The following CHORDC1 variants were observed in gnomAD, a reference collection of about 807,000 sequenced individuals.
CHORDC1 encodes cysteine and histidine-rich domain-containing protein 1.
CHORDC1 carries 25 observed loss-of-function variants against 48.3 expected under a neutral mutation model. That is an observed-to-expected ratio of 0.52 (90% CI 0.38 to 0.72). The LOEUF (loss-of-function observed/expected upper bound fraction) is 0.72. Among genes scored for constraint, CHORDC1 ranks in the 30% least tolerant of loss-of-function variants. The probability of loss-of-function intolerance (pLI) is 0.00; values close to 1 mark genes in which losing one functional copy is unlikely to be tolerated. For missense variants in CHORDC1, 317 were observed against 388.7 expected (o/e 0.82, Z 1.55); for synonymous variants, 128 against 126.4 (o/e 1.01, Z -0.09).
At chr11:90,218,340 G>A (rs1480871617) in intron 1 of CHORDC1, among the ~76,000 whole-genome samples, 156 bp from the exon 2 acceptor site, 1 of 152,064 alleles carries the variant, frequency 6.6e-6, no homozygotes, top group East Asian at 1.9e-4. Flanking sequence ...GCAGCACAAA[G>A]TGTACTATAT....
At chr11:90,212,241 G>C (rs1480354160) in intron 4 of CHORDC1, 4 of 151,912 alleles carry the variant, frequency 2.6e-5, no homozygotes, top group African/African-American at 9.7e-5. Flanking sequence ...CTGGATCATG[G>C]GGATGCCTTT....
At chr11:90,208,927 C>T (rs1335809638) in intron 6 of CHORDC1, 1 of 152,200 alleles carries the variant, frequency 6.6e-6, no homozygotes, top group Non-Finnish European at 1.5e-5. Flanking sequence ...GCCAGGTCTA[C>T]TTATCTCTAT....
At chr11:90,222,218 T>C (rs1400433221) in intron 1 of CHORDC1, among the ~76,000 whole-genome samples, 1 of 152,226 alleles carries the variant, frequency 6.6e-6, no homozygotes, top group African/African-American at 2.4e-5. Flanking sequence ...ACTCATTTTA[T>C]ACGGGAGTAG....
rs1194333924 is a variant in CHORDC1 at position 90,211,274 on chromosome 11, G to A, written c.374C>T (p.Ser125Phe). 2 of 1,609,746 alleles carry A rather than the reference G, an allele frequency of 1.2e-6. No individual in the cohort carries two copies. The highest frequency in any genetic ancestry group is 1.7e-6 in the Non-Finnish European group (2 of 1,177,024). ...MTNLELKISA[S>F]LKQALDKLKL... ...AAGTTTATCAAGTGCTTGTTTTAGG[G>A]AGGCAGATATTTTTAATTCCAAATT... The change falls in exon 5 of 11, where the codon TCC (serine) becomes TTC (phenylalanine). Residue 125 changes from serine to phenylalanine, a missense_variant. By Grantham distance (155) the Ser-to-Phe change is radical (BLOSUM62 -2). Transcript: ENST00000320585.
rs1002648435 is a variant in CHORDC1 at position 90,206,271 on chromosome 11, G to A, written c.494C>T (p.Thr165Ile). ...TSCKNGGCSK[T>I]YQGLESLEEV... Reference sequence around the variant, plus strand: ...TTCTAGACTCTCTAGACCCTGGTATGTCTAAAAAGGAAACAAAGAGAAAAA... The same window carrying A: ...TTCTAGACTCTCTAGACCCTGGTATATCTAAAAAGGAAACAAAGAGAAAAA... The change falls in exon 7 of 11, where the codon ACA becomes ATA. Residue 165 changes from threonine to isoleucine, a missense_variant and splice_region_variant. Coordinates refer to ENST00000320585, the MANE Select transcript of CHORDC1 (RefSeq NM_012124.3). The A allele has an allele frequency of 3.9e-6, 6 of 1,523,772 alleles. No homozygotes were observed. The highest frequency in any genetic ancestry group is 1.1e-5 in the South Asian group (1 of 88,444). The allele number at this position is 1,523,772 out of a possible 1,614,324, so 94.4% of individuals were successfully genotyped here.
At position 90,205,715 on chromosome 11, in the gene CHORDC1, A is replaced by C. The variant is rs531479002; in HGVS notation, c.564-150T>G. ...TGTCTAAGTTACTAAAAATGAATGT[A>C]CAGTATATCAGGAAGAATGTGGAAA... On this transcript the variant is annotated intron_variant, in intron 7 of 10. Transcript: ENST00000320585. 4.5e-4 allele frequency: 268 copies of C among 600,398 alleles called. 3 individuals are homozygous for C. The South Asian group carries it at 5.7e-3, about 13-fold the overall frequency. 37.2% of individuals were successfully genotyped at this position (600,398 alleles called of 1,614,324 possible). A position where few individuals can be genotyped will look rare whatever the true frequency, so the allele number is the denominator to read the frequency against.
At chr11:90,217,486 G>T (rs1486985172) in intron 2 of CHORDC1, among the ~76,000 whole-genome samples, 2 of 152,196 alleles carry the variant, frequency 1.3e-5, no homozygotes, top group African/African-American at 2.4e-5. Flanking sequence ...TCTGTCCCGA[G>T]ATTGGCACTA....
intron 2 of CHORDC1, chr11:90,216,688 T>G (rs1858021276): frequency 6.8e-6 from 2 of 294,324 alleles, no homozygotes; most frequent in African/African-American, 2.3e-5. Context: ...AAACGGGCAA[T>G]GGACCAAATG....
At chr11:90,216,603 A>G (rs750700508) in intron 2 of CHORDC1, 1 of 416,496 alleles carries the variant, frequency 2.4e-6, no homozygotes, top group South Asian at 1.7e-5. Context: ...CTACAACTGC[A>G]AAAGAGAGAG....
Position 90,202,011 on chromosome 11 carries a change from CTGATT to C in CHORDC1, c.*389_*393del, listed in dbSNP as rs1857554326. ...GTAAGAACACAAATCCATGAAAAAA[CTGATT>C]AAAATTTGACATTTCATCTTGCTTT... On this transcript the variant is annotated 3_prime_UTR_variant, in exon 11 of 11. Coordinates refer to ENST00000320585, the MANE Select transcript of CHORDC1 (RefSeq NM_012124.3). 1 of 155,052 alleles carries C rather than the reference CTGATT, an allele frequency of 6.4e-6. No individual in the cohort carries two copies. Among genetic ancestry groups the C allele is most frequent in the Non-Finnish European group, 1.4e-5 (1 of 70,006 alleles). 9.6% of individuals were successfully genotyped at this position (155,052 alleles called of 1,614,324 possible).
In CHORDC1 at chr11:90,202,347, A is replaced by G; in HGVS notation, c.*58T>C. On this transcript the variant is annotated 3_prime_UTR_variant, in exon 11 of 11. Coordinates refer to ENST00000320585, the MANE Select transcript of CHORDC1 (RefSeq NM_012124.3). Reference sequence around the variant, plus strand: ...CAAAAGATTACAGCAGCAAGCCACCACTTCACACAGTATTAAAAATTCGGA... The same window carrying G: ...CAAAAGATTACAGCAGCAAGCCACCGCTTCACACAGTATTAAAAATTCGGA... The G allele has an allele frequency of 1.3e-6, 2 of 1,495,798 alleles. No homozygotes were observed. The highest frequency in any genetic ancestry group is 3.4e-5 in the Admixed American group (2 of 58,044). 92.7% of individuals were successfully genotyped at this position (1,495,798 alleles called of 1,614,324 possible).
At chr11:90,208,554 C>A (rs1389844635) in intron 6 of CHORDC1, 3 of 152,002 alleles carry the variant, frequency 2.0e-5, no homozygotes, top group Non-Finnish European at 4.4e-5. Context: ...AAAAACAAAA[C>A]TAAAGCTACA....
At chr11:90,205,098 G>C in intron 8 of CHORDC1, among the ~76,000 whole-genome samples, 1 of 151,778 alleles carries the variant, frequency 6.6e-6, no homozygotes, top group East Asian at 1.9e-4. Flanking sequence ...GAATAACAGA[G>C]GTCTAAACGT....
chr11:90,213,383 T>C (rs1425077844), intron 4 of CHORDC1: 2 of 693,418 alleles, frequency 2.9e-6, no homozygotes, highest in Non-Finnish European at 2.6e-6. Flanking sequence ...AGTTTGCTTC[T>C]AAAACAATTT....
intron 6 of CHORDC1, chr11:90,206,764 G>A (rs1425996038): frequency 7.8e-7 from 1 of 1,286,450 alleles, no homozygotes; most frequent in Non-Finnish European, 1.0e-6. Flanking sequence ...ATATATCCAG[G>A]GTTTGTCTGG....
intron 2 of CHORDC1, among the ~76,000 whole-genome samples, chr11:90,217,310 C>T (rs11018918): frequency 0.43 from 64,953 of 151,986 alleles, 14,372 homozygotes; most frequent in East Asian, 0.59. Flanking sequence ...GAACCTAAAA[C>T]CATGGCAGCC....
intron 1 of CHORDC1, among the ~76,000 whole-genome samples, chr11:90,219,118 T>C (rs1458772765): frequency 6.6e-6 from 1 of 151,792 alleles, no homozygotes; most frequent in Admixed American, 6.6e-5. Flanking sequence ...ATACAAAAAT[T>C]AGCCGGGCGT....
chr11:90,213,885 A>C, intron 4 of CHORDC1, 133 bp downstream of exon 4: 1 of 728,468 alleles, frequency 1.4e-6, no homozygotes, highest in South Asian at 2.2e-5. Context: ...TTTAAGGGAG[A>C]AACCAAATGG....
chr11:90,211,011 G>GT, intron 5 of CHORDC1: 1 of 347,898 alleles, frequency 2.9e-6, no homozygotes, highest in Non-Finnish European at 5.1e-6. Context: ...ATAGGTTCTC[G>GT]TTTTGAATAA....
Sources: allele counts gnomAD v4.1 joint callset (sites outside exome capture counted in the v4.1 genomes callset), GRCh38; gene constraint gnomAD v4.1.1; transcripts MANE v1.5; gene names NCBI Gene and HGNC (gene_info 2026-07-23, HGNC 2026-07-21).